PCDHGA2: variants seen among roughly 807,000 people sequenced by gnomAD.
The protein encoded by PCDHGA2 is protocadherin gamma subfamily A, 2.
Under a neutral mutation model 59.2 loss-of-function variants are expected in PCDHGA2, and 40 were observed. The ratio of observed to expected loss-of-function variants is 0.68; its 90% CI spans 0.52 to 0.88. The LOEUF (loss-of-function observed/expected upper bound fraction) is 0.88, where lower values mean the gene tolerates loss of function less well. Among genes scored for constraint, PCDHGA2 ranks in the 40% least tolerant of loss-of-function variants. The probability of loss-of-function intolerance (pLI) is 0.00; values close to 1 mark genes in which losing one functional copy is unlikely to be tolerated. For synonymous variants in PCDHGA2, 560 were observed against 526.0 expected (o/e 1.06, Z -0.89); for missense variants, 1,226 against 1,204.0 (o/e 1.02, Z -0.27).
chr5:141,434,429 C>T (rs1379210960), intron 1 of PCDHGA2, among the ~76,000 whole-genome samples: 2 of 152,152 alleles, frequency 1.3e-5, no homozygotes, highest in Admixed American at 6.5e-5. Flanking sequence ...TCATGATGGC[C>T]GTAATGCCCA....
At chr5:141,408,712 T>C in intron 1 of PCDHGA2, 2 of 1,612,332 alleles carry the variant, frequency 1.2e-6, no homozygotes, top group Non-Finnish European at 1.7e-6. Flanking sequence ...TTAAAGATTA[T>C]AAGATAAACT....
chr5:141,340,367 C>T lies in PCDHGA2; in HGVS notation c.1396C>T (p.Pro466Ser), dbSNP rs1314383606. 6.2e-7 allele frequency: 1 copy of T among 1,614,170 alleles called. No individual in the cohort carries two copies. Among genetic ancestry groups the T allele is most frequent in the Admixed American group, 1.7e-5 (1 of 60,030 alleles). Residue 466 changes from proline (P) to serine (S), a missense_variant, in exon 1 of 4, where the codon CCC becomes TCC. Coordinates refer to ENST00000394576, the MANE Select transcript of PCDHGA2 (RefSeq NM_018915.4). ...CTCCACCTACATTCCCGAAAACAAC[C>T]CCAGAGGAGCCTCTGTCTTCTCAGT... ...SYSTYIPENN[P>S]RGASVFSVTA...
chr5:141,370,196 T>C (rs1298112145), intron 1 of PCDHGA2: 4 of 533,354 alleles, frequency 7.5e-6, no homozygotes, highest in Admixed American at 3.6e-5. Context: ...GCTAGTGCTG[T>C]GCAAAATATT....
chr5:141,402,153 T>A (rs2094231712), intron 1 of PCDHGA2, among the ~76,000 whole-genome samples: 1 of 152,166 alleles, frequency 6.6e-6, no homozygotes, highest in Non-Finnish European at 1.5e-5. Flanking sequence ...TTAGCAATAT[T>A]AGGCGAGAAC....
chr5:141,477,705 G>A lies in PCDHGA2; in HGVS notation c.2425-17102G>A, dbSNP rs1285254654. On this transcript the variant is annotated intron_variant, in intron 1 of 3. Coordinates refer to ENST00000394576, the MANE Select transcript of PCDHGA2 (RefSeq NM_018915.4). The surrounding 1 kb of genome is among the most constrained non-coding windows in gnomAD (Gnocchi z 4.9). ...TTAGTGCCCCTAGACTATGAGGATCGGCGGGAATTTGAATTAACAGCTCAT... is the reference window on the plus strand; with the variant it reads ...TTAGTGCCCCTAGACTATGAGGATCAGCGGGAATTTGAATTAACAGCTCAT... The A allele has an allele frequency of 6.2e-7, 1 of 1,614,008 alleles. No homozygotes were observed. Among genetic ancestry groups the A allele is most frequent in the Non-Finnish European group, 8.5e-7 (1 of 1,180,048 alleles).
chr5:141,431,767 T>C lies in PCDHGA2; in HGVS notation c.2425-63040T>C. The C allele has an allele frequency of 1.2e-6, 2 of 1,614,224 alleles. No homozygotes were observed. Among genetic ancestry groups the C allele is most frequent in the Non-Finnish European group, 1.7e-6 (2 of 1,180,034 alleles). ...CTGCGCGAGCCAAAGTCCTGATCAC[T>C]GTTCTGGACGTGAACGACAATGCCC... On this transcript the variant is annotated intron_variant, in intron 1 of 3. Coordinates refer to ENST00000394576, the MANE Select transcript of PCDHGA2 (RefSeq NM_018915.4). This position sits in a 1 kb window ranked among gnomAD's most constrained non-coding sequence, Gnocchi z 4.8.
intron 1 of PCDHGA2, chr5:141,478,852 A>G (rs2099480601): frequency 7.3e-7 from 1 of 1,367,502 alleles, no homozygotes; most frequent in African/African-American, 1.5e-5. Flanking sequence ...GCTAAAACAC[A>G]AGATCTCAGC....
At position 141,511,148 on chromosome 5, in the gene PCDHGA2, A is replaced by C; in HGVS notation, c.2774A>C (p.Lys925Thr). Residue 925 changes from lysine to threonine, a missense_variant, in exon 4 of 4, where the codon AAG (lysine) becomes ACG (threonine). Coordinates refer to ENST00000394576, the MANE Select transcript of PCDHGA2 (RefSeq NM_018915.4). ...APAGGNGNKKKSGKKEKK is the reference protein window; with the variant it reads ...APAGGNGNKKTSGKKEKK ...GCAGGTGGCAATGGCAACAAGAAGA[A>C]GTCGGGCAAGAAGGAGAAGAAGTAA... is the stretch of plus-strand genomic sequence containing the variant. The C allele has an allele frequency of 6.2e-7, 1 of 1,614,202 alleles. No individual in the cohort carries two copies. Among genetic ancestry groups the C allele is most frequent in the East Asian group, 2.2e-5 (1 of 44,882 alleles).
Position 141,431,300 on chromosome 5 carries a change from A to G in PCDHGA2, c.2425-63507A>G, listed in dbSNP as rs200375087. 7.4e-6 allele frequency: 12 copies of G among 1,614,008 alleles called. No homozygotes were observed. Among genetic ancestry groups the G allele is most frequent in the Admixed American group, 1.7e-5 (1 of 60,010 alleles). ...CAGCCCGAACACTCACTTCTCCCTC[A>G]TCGTGCAAAATGGAGCCGACGGTAG... On this transcript the variant is annotated intron_variant, in intron 1 of 3. Coordinates refer to ENST00000394576, the MANE Select transcript of PCDHGA2 (RefSeq NM_018915.4). This position sits in a 1 kb window ranked among gnomAD's most constrained non-coding sequence, Gnocchi z 4.8.
rs759438213 is a variant in PCDHGA2, at chr5:141,341,322, G to A, written c.2351G>A (p.Ser784Asn). ...NYADTLISQE[S>N]CEKKDFLSAP... is the part of the protein sequence containing the mutation. ...GCGGACACGCTCATCAGCCAGGAGA[G>A]CTGTGAGAAAAAGGATTTTTTATCA... The change falls in exon 1 of 4, where the codon AGC becomes AAC. Residue 784 changes from serine to asparagine, a missense_variant. Coordinates refer to ENST00000394576, the MANE Select transcript of PCDHGA2 (RefSeq NM_018915.4). 1.2e-6 allele frequency: 2 copies of A among 1,614,120 alleles called. No individual in the cohort carries two copies.
At chr5:141,345,570 GTCCT>G (rs1757599646) in intron 1 of PCDHGA2, 1 of 1,614,034 alleles carries the variant, frequency 6.2e-7, no homozygotes, top group African/African-American at 1.3e-5. Context: ...CAACACTGGC[GTCCT>G]ATACGCGCTG....
intron 1 of PCDHGA2, chr5:141,484,853 G>T (rs747582810): frequency 2.5e-4 from 64 of 251,466 alleles, no homozygotes; most frequent in Non-Finnish European, 4.3e-4. Flanking sequence ...GGGTTTTTTG[G>T]GGGGTGGGGG....
intron 1 of PCDHGA2, chr5:141,357,097 C>T (rs766673132): frequency 6.2e-7 from 1 of 1,613,858 alleles, no homozygotes; most frequent in Admixed American, 1.7e-5. Context: ...ACGGGCCCTG[C>T]TGGACAGAGA....
At chr5:141,399,644 A>C in intron 1 of PCDHGA2, 1 of 1,613,810 alleles carries the variant, frequency 6.2e-7, no homozygotes, top group Non-Finnish European at 8.5e-7. Flanking sequence ...ATGAGCGCGC[A>C]AAGTGGGGTG....
At chr5:141,406,497 G>A (rs918411920) in intron 1 of PCDHGA2, among the ~76,000 whole-genome samples, 2 of 152,200 alleles carry the variant, frequency 1.3e-5, no homozygotes, top group African/African-American at 4.8e-5. Context: ...TCACAAGTGT[G>A]TAAAGTCTGT....
intron 1 of PCDHGA2, among the ~76,000 whole-genome samples, chr5:141,436,793 C>A (rs752376420): frequency 6.6e-6 from 1 of 152,178 alleles, no homozygotes; most frequent in Non-Finnish European, 1.5e-5. Context: ...TAAAACTGTT[C>A]TAAAATTTTT....
intron 1 of PCDHGA2, chr5:141,385,444 G>C: frequency 6.9e-7 from 1 of 1,448,588 alleles, no homozygotes; most frequent in East Asian, 2.5e-5. Context: ...GTAAAAATGA[G>C]TTTACCAGTT....
chr5:141,441,918 C>A (rs1183933153), intron 1 of PCDHGA2: 8 of 351,246 alleles, frequency 2.3e-5, no homozygotes, highest in African/African-American at 1.1e-4. Flanking sequence ...ATGTGAGACA[C>A]AATGCGTGGC....
At chr5:141,344,397 G>T (rs1346546972) in intron 1 of PCDHGA2, 2 of 1,611,536 alleles carry the variant, frequency 1.2e-6, no homozygotes, top group Non-Finnish European at 1.7e-6. Flanking sequence ...AGTAGAAATA[G>T]AAATTAAAGA....
Sources: gnomAD v4.1 joint callset for allele counts (sites outside exome capture counted in the v4.1 genomes callset) on GRCh38, gnomAD v4.1.1 for gene constraint, Gnocchi (gnomAD v3.1) non-coding constraint, MANE v1.5 for transcripts, NCBI Gene and HGNC (gene_info 2026-07-23, HGNC 2026-07-21) for gene names.